The following ZFYVE27 variants were observed in gnomAD, a reference collection of about 807,000 sequenced individuals.
The protein encoded by ZFYVE27 is protrudin.
In ZFYVE27, 36 loss-of-function variants were observed where a neutral mutation model predicts 52.8. The ratio of observed to expected loss-of-function variants is 0.68; its 90% CI spans 0.52 to 0.90. The LOEUF is 0.90. Ranked by LOEUF, ZFYVE27 falls within the 40% of genes least tolerant of loss-of-function variation. ZFYVE27 has a pLI of 0.00. For synonymous variants in ZFYVE27, 223 were observed against 215.6 expected (o/e 1.03, Z -0.30); for missense variants, 450 against 527.2 (o/e 0.85, Z 1.43).
At chr10:97,737,498 A>G (rs1487622490) in intron 1 of ZFYVE27, among the ~76,000 whole-genome samples, 177 bp downstream of exon 1, 3 of 152,250 alleles carry the variant, frequency 2.0e-5, no homozygotes, top group Non-Finnish European at 4.4e-5. Flanking sequence ...GGCCAAGGCC[A>G]GTGCGGGCGT....
rs771753667 is a variant in ZFYVE27 at position 97,751,410 on chromosome 10, TGGA to T, written c.830_832del (p.Glu277del). ...TCCCAGGACCTCACACCGGGCAGCG[TGGA>T]GGAGGCTGAGGAGGCTGAGCCAGAT... is the stretch of plus-strand genomic sequence containing the variant. On this transcript the variant is annotated inframe_deletion, in exon 8 of 13. Transcript: ENST00000684270. The T allele has an allele frequency of 6.2e-6, 10 of 1,613,932 alleles. No homozygotes were observed. The South Asian group carries it at 1.1e-4, about 18-fold the overall frequency.
At position 97,749,508 on chromosome 10, in the gene ZFYVE27, C is replaced by T. The variant is rs893637159; in HGVS notation, c.586C>T (p.Leu196=). 6.8e-6 allele frequency: 11 copies of T among 1,614,188 alleles called. No homozygotes were observed. The highest frequency in any genetic ancestry group is 9.3e-6 in the Non-Finnish European group (11 of 1,180,032). The part of the protein sequence containing the change: ...YGALLGTVCM[L]YLLPLCWVLT... ...GGCTCTTCTGGGCACAGTCTGCATGCTGTATTTGCTGCCACTCTGCTGGGT... is the reference window on the plus strand; with the variant it reads ...GGCTCTTCTGGGCACAGTCTGCATGTTGTATTTGCTGCCACTCTGCTGGGT... The change falls in exon 6 of 13, where the codon CTG becomes TTG. Residue 196 remains leucine, a synonymous_variant. Coordinates refer to ENST00000684270, the MANE Select transcript of ZFYVE27 (RefSeq NM_001385875.1).
chr10:97,757,946 A>T, intron 12 of ZFYVE27: 1 of 544,536 alleles, frequency 1.8e-6, no homozygotes. Context: ...TAACAAGATG[A>T]ATACCTGTGG....
chr10:97,754,648 G>C, intron 10 of ZFYVE27: 1 of 1,287,302 alleles, frequency 7.8e-7, no homozygotes, highest in South Asian at 1.2e-5. Flanking sequence ...GCTGACTTCT[G>C]CAGGGCATTC....
intron 4 of ZFYVE27, among the ~76,000 whole-genome samples, chr10:97,746,732 C>T (rs1458117054): frequency 1.3e-5 from 2 of 150,694 alleles, no homozygotes; most frequent in East Asian, 1.9e-4. Context: ...CTCTGTCATC[C>T]AGGCTGGAAT....
chr10:97,748,145 T>A (rs968407740), intron 4 of ZFYVE27, 124 bp from the exon 5 acceptor site: 6 of 918,164 alleles, frequency 6.5e-6, no homozygotes, highest in African/African-American at 1.6e-5. Context: ...TCCTCTCTCT[T>A]TAAGCACATG....
intron 5 of ZFYVE27, among the ~76,000 whole-genome samples, chr10:97,748,732 A>G (rs1358416053): frequency 1.3e-5 from 2 of 152,150 alleles, no homozygotes; most frequent in African/African-American, 2.4e-5. Flanking sequence ...TATATTAAAG[A>G]TGATTTTCTT....
Position 97,759,549 on chromosome 10 carries a change from C to T in ZFYVE27, c.*249C>T. The T allele has an allele frequency of 1.7e-6, 1 of 573,896 alleles. No homozygotes were observed. Among genetic ancestry groups the T allele is most frequent in the Non-Finnish European group, 3.2e-6 (1 of 315,222 alleles). The allele number at this position is 573,896 out of a possible 1,614,324, so 35.6% of individuals were successfully genotyped here. ...CCCCTGGAGGGCCTGGCATGTTTGT[C>T]CTGCTCTGCCTGGGACTGAGCGAGT... is the stretch of plus-strand genomic sequence containing the variant. On this transcript the variant is annotated 3_prime_UTR_variant, in exon 13 of 13. Transcript: ENST00000684270.
At chr10:97,757,490 G>C in intron 11 of ZFYVE27, 152 bp from the exon 12 acceptor site, 1 of 1,218,886 alleles carries the variant, frequency 8.2e-7, no homozygotes. Context: ...CCTCCCCAGG[G>C]GGTATTCCAT....
intron 7 of ZFYVE27, among the ~76,000 whole-genome samples, chr10:97,751,121 T>TG (rs1206725488): frequency 6.6e-6 from 1 of 152,170 alleles, no homozygotes; most frequent in Non-Finnish European, 1.5e-5. Context: ...GTGGCAGGGC[T>TG]GGGTCTAAGA....
chr10:97,744,977 G>A (rs2044777578), intron 4 of ZFYVE27, 62 bp downstream of exon 4: 3 of 1,525,976 alleles, frequency 2.0e-6, no homozygotes, highest in South Asian at 1.2e-5. Flanking sequence ...GACACTAAGT[G>A]CTAGCTTTGT....
Position 97,738,416 on chromosome 10 carries a change from G to C in ZFYVE27, c.-1-61G>C, listed in dbSNP as rs2042691127. 3 of 1,580,976 alleles carry C rather than the reference G, an allele frequency of 1.9e-6. No homozygotes were observed. The African/African-American group carries it at 4.0e-5, about 21-fold the overall frequency. The stretch of plus-strand genomic sequence containing the variant: ...ACTGTTGGCACCACCTGAATCTGTA[G>C]GTAGAATTGTGTTGAGGACTAGACG... On this transcript the variant is annotated intron_variant, in intron 1 of 12. Transcript: ENST00000684270.
chr10:97,747,261 G>A (rs574911871), intron 4 of ZFYVE27, among the ~76,000 whole-genome samples: 130 of 152,276 alleles, frequency 8.5e-4, no homozygotes, highest in African/African-American at 2.9e-3. Flanking sequence ...GGCACCTGAT[G>A]TCAGGAAATA....
At position 97,744,842 on chromosome 10, in the gene ZFYVE27, C is replaced by T; in HGVS notation, c.382C>T (p.His128Tyr). The change falls in exon 4 of 13, where the codon CAT becomes TAT. Residue 128 changes from histidine to tyrosine, a missense_variant. Physicochemically the swap from His to Tyr is moderately conservative, Grantham distance 83. Coordinates refer to ENST00000684270, the MANE Select transcript of ZFYVE27 (RefSeq NM_001385875.1). The stretch of plus-strand genomic sequence containing the variant: ...TTCCGAGCTGATGCGGAGGAAGTAT[C>T]ATAGCGTGAGGCAGGAGGACCTGCA... ...PDSELMRRKY[H>Y]SVRQEDLQRG... 2 of 1,613,480 alleles carry T rather than the reference C, an allele frequency of 1.2e-6. No individual in the cohort carries two copies. Among genetic ancestry groups the T allele is most frequent in the Non-Finnish European group, 1.7e-6 (2 of 1,179,830 alleles).
rs2048228090 is a variant in ZFYVE27, at chr10:97,755,871, GGTGA to G, written c.1043-1388_1043-1385del. On this transcript the variant is annotated intron_variant, in intron 10 of 12. Transcript: ENST00000684270. The stretch of plus-strand genomic sequence containing the variant: ...CATGGCCTCGGTGGCATCGTCACGT[GGTGA>G]GTGAGGATGGGTGAGTCCAGGCTGT... 3.3e-5 allele frequency among the ~76,000 whole-genome samples: 5 copies of G among 152,342 alleles called. No homozygotes were observed. In the South Asian group the frequency reaches 6.2e-4, roughly 19 times the overall value.
rs750636794 is a variant in ZFYVE27, at chr10:97,759,351, A to AC, written c.*57dup. 4.4e-6 allele frequency: 7 copies of AC among 1,594,808 alleles called. No individual in the cohort carries two copies. The highest frequency in any genetic ancestry group is 1.7e-4 in the Middle Eastern group (1 of 5,914). The stretch of plus-strand genomic sequence containing the variant: ...CACCCGTCCTTGGGACCAGCAGTAG[A>AC]CCCCCCACTCTCCCCACCCCTGGCC... On this transcript the variant is annotated 3_prime_UTR_variant, in exon 13 of 13. Transcript: ENST00000684270.
Position 97,750,427 on chromosome 10 carries a change from A to C in ZFYVE27, c.761A>C (p.Lys254Thr), listed in dbSNP as rs2136198027. The C allele has an allele frequency of 6.2e-7, 1 of 1,614,084 alleles. No homozygotes were observed. The highest frequency in any genetic ancestry group is 2.2e-5 in the East Asian group (1 of 44,874). ...CCTCCACCACCAGATGTTGGGGGGA[A>C]GGATGGTCTGATGGACAGCACGCCT... Reference protein sequence around the residue: ...ESPPPPDVGGKDGLMDSTPAL... With the variant: ...ESPPPPDVGGTDGLMDSTPAL... The change falls in exon 7 of 13, where the codon AAG (lysine) becomes ACG (threonine). Residue 254 changes from lysine to threonine, a missense_variant. Lys to Thr is a moderately conservative substitution (Grantham distance 78). Transcript: ENST00000684270.
At chr10:97,742,420 G>A (rs559647281) in intron 2 of ZFYVE27, among the ~76,000 whole-genome samples, 46 of 152,252 alleles carry the variant, frequency 3.0e-4, no homozygotes, top group African/African-American at 1.1e-3. Flanking sequence ...TGGTGGTGGT[G>A]GTGGCAGTGA....
intron 8 of ZFYVE27, 80 bp from the exon 9 acceptor site, chr10:97,752,777 G>A (rs1218420656): frequency 6.5e-7 from 1 of 1,538,688 alleles, no homozygotes; most frequent in African/African-American, 1.4e-5. Context: ...TCTGCTTGGG[G>A]GCCCCTCCAG....
Sources: gnomAD v4.1 joint callset for allele counts (sites outside exome capture counted in the v4.1 genomes callset) on GRCh38, gnomAD v4.1.1 for gene constraint, MANE v1.5 for transcripts, NCBI Gene and HGNC (gene_info 2026-07-23, HGNC 2026-07-21) for gene names.